The following MECOM variants were observed in gnomAD, a reference collection of about 807,000 sequenced individuals.
The protein encoded by MECOM is histone-lysine N-methyltransferase MECOM.
A neutral mutation model predicts 116.3 loss-of-function variants in MECOM; 13 were observed. The ratio of observed to expected loss-of-function variants is 0.11; its 90% CI spans 0.07 to 0.18. The LOEUF (loss-of-function observed/expected upper bound fraction) is 0.18. MECOM is among the 10% of genes least tolerant of loss of function. MECOM has a pLI of 1.00. For missense variants in MECOM, 1,299 were observed against 1,509.0 expected, an observed-to-expected ratio of 0.86 and a Z score of 2.31; for synonymous variants, 528 against 535.2, an observed-to-expected ratio of 0.99 and a Z score of 0.19.
chr3:169,130,548 T>A (rs1427403972), intron 4 of MECOM, among the ~76,000 whole-genome samples: 1 of 120,674 alleles, frequency 8.3e-6, no homozygotes, highest in Admixed American at 1.2e-4. Context: ...AAAGGAAAAA[T>A]TGTTCAAGTA....
intron 2 of MECOM, among the ~76,000 whole-genome samples, chr3:169,335,507 C>T (rs965416982): frequency 1.3e-5 from 2 of 152,030 alleles, no homozygotes; most frequent in African/African-American, 4.8e-5. Context: ...AGAACTTTTA[C>T]GAAATGGGCA....
chr3:169,435,157 A>G (rs1190829975), intron 1 of MECOM, among the ~76,000 whole-genome samples: 1 of 152,222 alleles, frequency 6.6e-6, no homozygotes, highest in Non-Finnish European at 1.5e-5. Flanking sequence ...GTCTTTTTCT[A>G]TATCTAGAAA....
At chr3:169,580,301 T>C (rs1311308736) in intron 1 of MECOM, among the ~76,000 whole-genome samples, 1 of 152,192 alleles carries the variant, frequency 6.6e-6, no homozygotes, top group African/African-American at 2.4e-5. Flanking sequence ...TGATGATTTC[T>C]GAGATTTTGG....
Position 169,374,979 on chromosome 3 carries a change from A to C in MECOM, c.375+6208T>G, listed in dbSNP as rs529185498. Reference sequence around the variant, plus strand: ...TTTAGCTCAGCAGTGAGCTTTGATCATACCACCAAACTACTCCAGCCTGGG... The same window carrying C: ...TTTAGCTCAGCAGTGAGCTTTGATCCTACCACCAAACTACTCCAGCCTGGG... On this transcript the variant is annotated intron_variant, in intron 2 of 16. Transcript: ENST00000651503. Among the ~76,000 whole-genome samples, 275 of 152,072 alleles carry C rather than the reference A, an allele frequency of 1.8e-3. 1 individual carries two copies. The highest frequency in any genetic ancestry group is 6.8e-3 in the Middle Eastern group (2 of 294).
At chr3:169,567,652 G>C (rs1195302935) in intron 1 of MECOM, among the ~76,000 whole-genome samples, 1 of 152,122 alleles carries the variant, frequency 6.6e-6, no homozygotes, top group Admixed American at 6.5e-5. Context: ...ATGACGCAGT[G>C]GCTCAAACTC....
chr3:169,613,914 C>T (rs1769610084), intron 1 of MECOM: 1 of 152,104 alleles, frequency 6.6e-6, no homozygotes. Flanking sequence ...TTAAAATACC[C>T]TTTAAAGTGT....
chr3:169,452,275 G>T (rs978973058), intron 1 of MECOM, among the ~76,000 whole-genome samples: 10 of 151,888 alleles, frequency 6.6e-5, no homozygotes, highest in Non-Finnish European at 7.4e-5. Context: ...GGAAACACAC[G>T]CCTTTCCCTT....
intron 1 of MECOM, among the ~76,000 whole-genome samples, chr3:169,414,136 A>G (rs751080068): frequency 2.2e-4 from 33 of 152,156 alleles, no homozygotes; most frequent in Non-Finnish European, 3.8e-4. Flanking sequence ...CATAAAGGAC[A>G]GCTCCGGCTG....
chr3:169,279,118 C>G (rs1455675134), intron 2 of MECOM, among the ~76,000 whole-genome samples: 1 of 152,176 alleles, frequency 6.6e-6, no homozygotes, highest in Admixed American at 6.6e-5. Context: ...ACCTTGGTCT[C>G]TACTTTCAAT....
At chr3:169,631,894 C>T (rs899646401) in intron 1 of MECOM, among the ~76,000 whole-genome samples, 14 of 152,090 alleles carry the variant, frequency 9.2e-5, no homozygotes, top group Admixed American at 3.9e-4. Context: ...GTTTAGGAAA[C>T]CCCAGGCTAG....
chr3:169,090,279 T>C, intron 14 of MECOM, 43 bp from the exon 15 acceptor site: 1 of 1,540,870 alleles, frequency 6.5e-7, no homozygotes, highest in Non-Finnish European at 8.7e-7. Context: ...TTGGTTTCAT[T>C]TTTAAAATTG....
chr3:169,272,586 G>A (rs2149659053), intron 2 of MECOM, among the ~76,000 whole-genome samples: 1 of 152,280 alleles, frequency 6.6e-6, no homozygotes, highest in South Asian at 2.1e-4. Flanking sequence ...AACGTTTTCT[G>A]ACATGGTCCT....
At chr3:169,460,250 A>C (rs1197605669) in intron 1 of MECOM, among the ~76,000 whole-genome samples, 2 of 152,224 alleles carry the variant, frequency 1.3e-5, no homozygotes, top group African/African-American at 4.8e-5. Context: ...TTTCCCACAG[A>C]GAGCAAACAA....
intron 1 of MECOM, among the ~76,000 whole-genome samples, chr3:169,492,478 A>G (rs377691622): frequency 6.6e-6 from 1 of 152,204 alleles, no homozygotes; most frequent in East Asian, 1.9e-4. Context: ...CCTGCCTTCA[A>G]TGTATAATAT....
rs1265346594 is a variant in MECOM at position 169,084,059 on chromosome 3, G to C, written c.*850C>G. The C allele has an allele frequency of 4.3e-6, 1 of 231,236 alleles. No homozygotes were observed. The highest frequency in any genetic ancestry group is 2.2e-5 in the African/African-American group (1 of 45,238). The allele number at this position is 231,236 out of a possible 1,614,324, so 14.3% of individuals were successfully genotyped here. A position where few individuals can be genotyped will look rare whatever the true frequency, so the allele number is the denominator to read the frequency against. On this transcript the variant is annotated 3_prime_UTR_variant, in exon 17 of 17. Coordinates refer to ENST00000651503, the MANE Select transcript of MECOM (RefSeq NM_004991.4). ...GGTGTGCCTCAGACGTCATAAAGTAGTGGCTGACTGGAACAGTGCTATTTT... is the reference window on the plus strand; with the variant it reads ...GGTGTGCCTCAGACGTCATAAAGTACTGGCTGACTGGAACAGTGCTATTTT...
intron 1 of MECOM, among the ~76,000 whole-genome samples, chr3:169,555,901 T>G (rs989273125): frequency 6.6e-6 from 1 of 152,238 alleles, no homozygotes; most frequent in Non-Finnish European, 1.5e-5. Flanking sequence ...AAACGATCTC[T>G]GAAAACTGAG....
At chr3:169,386,657 C>A (rs1197279758) in intron 1 of MECOM, among the ~76,000 whole-genome samples, 1 of 152,034 alleles carries the variant, frequency 6.6e-6, no homozygotes, top group East Asian at 1.9e-4. Context: ...ATTTATGTTG[C>A]TTCTAATTTT....
At chr3:169,199,456 C>T (rs763270722) in intron 2 of MECOM, among the ~76,000 whole-genome samples, 4 of 152,006 alleles carry the variant, frequency 2.6e-5, no homozygotes, top group South Asian at 2.1e-4. Context: ...CCCTGTCGCC[C>T]AGGCTGGAGT....
intron 1 of MECOM, among the ~76,000 whole-genome samples, chr3:169,594,433 G>C (rs189197526): frequency 1.4e-4 from 22 of 151,998 alleles, no homozygotes; most frequent in African/African-American, 5.3e-4. Flanking sequence ...GCATCACCTA[G>C]AAAGTCAAAT....
Sources: gnomAD v4.1 joint callset for allele counts (sites outside exome capture counted in the v4.1 genomes callset) on GRCh38, gnomAD v4.1.1 for gene constraint, MANE v1.5 for transcripts, NCBI Gene and HGNC (gene_info 2026-07-23, HGNC 2026-07-21) for gene names.